The following ZNF804B variants were observed in gnomAD, a reference collection of about 807,000 sequenced individuals.
The protein encoded by ZNF804B is zinc finger protein 804B.
In ZNF804B, 80 loss-of-function variants were observed where a neutral mutation model predicts 101.4. The observed-to-expected ratio is 0.79, with a 90% CI of 0.66 to 0.95. The LOEUF (loss-of-function observed/expected upper bound fraction) is 0.95. ZNF804B is among the 40% of genes least tolerant of loss of function. ZNF804B has a pLI of 0.00. For missense variants in ZNF804B, 1,673 were observed against 1,561.9 expected (o/e 1.07, Z -1.20); for synonymous variants, 622 against 558.8 (o/e 1.11, Z -1.59).
intron 1 of ZNF804B, among the ~76,000 whole-genome samples, chr7:88,929,275 A>G (rs1792848544): frequency 6.6e-6 from 1 of 151,894 alleles, no homozygotes; most frequent in South Asian, 2.1e-4. Context: ...AATTGGGGTA[A>G]GAGGCAACAG....
chr7:88,926,380 A>T (rs1016504017), intron 1 of ZNF804B, among the ~76,000 whole-genome samples: 4 of 150,576 alleles, frequency 2.7e-5, no homozygotes, highest in Admixed American at 2.0e-4. Context: ...TGAGGTCAGG[A>T]GTTCAAGAGC....
Position 89,061,659 on chromosome 7 carries a change from T to C in ZNF804B, c.109-156496T>C, listed in dbSNP as rs531133446. Among the ~76,000 whole-genome samples, 27 of 152,232 alleles carry C rather than the reference T, an allele frequency of 1.8e-4. No individual in the cohort carries two copies. In the East Asian group the frequency reaches 5.0e-3, roughly 28 times the overall value. On this transcript the variant is annotated intron_variant, in intron 1 of 3. Coordinates refer to ENST00000333190, the MANE Select transcript of ZNF804B (RefSeq NM_181646.5). ...AACCTTGTGTGAGTTACTCACCTCT[T>C]TGTGCTTCACTCAGTTTCATTTCAT... is the stretch of plus-strand genomic sequence containing the variant.
intron 1 of ZNF804B, among the ~76,000 whole-genome samples, chr7:88,905,195 A>G (rs1339903727): frequency 6.6e-6 from 1 of 152,100 alleles, no homozygotes. Flanking sequence ...TCCTGTGTCT[A>G]TTGAGATAAT....
chr7:88,913,900 ACATTAT>A (rs1326292613), intron 1 of ZNF804B, among the ~76,000 whole-genome samples: 1 of 152,232 alleles, frequency 6.6e-6, no homozygotes, highest in African/African-American at 2.4e-5. Flanking sequence ...AGAGGCAATA[ACATTAT>A]AAGTATTGCT....
chr7:88,791,258 T>C (rs906729470), intron 1 of ZNF804B, among the ~76,000 whole-genome samples: 5 of 152,256 alleles, frequency 3.3e-5, no homozygotes, highest in African/African-American at 1.2e-4. Flanking sequence ...ATGGTGTTGC[T>C]ACCTGGACAA....
intron 1 of ZNF804B, among the ~76,000 whole-genome samples, chr7:88,970,080 C>T (rs1195775831): frequency 6.6e-6 from 1 of 150,426 alleles, no homozygotes; most frequent in Non-Finnish European, 1.5e-5. Flanking sequence ...CCTTCCTTTC[C>T]TTCCTTTTTT....
intron 1 of ZNF804B, among the ~76,000 whole-genome samples, chr7:89,005,489 C>T (rs766100468): frequency 1.3e-5 from 2 of 152,024 alleles, no homozygotes; most frequent in Admixed American, 6.6e-5. Flanking sequence ...AATTTTGATG[C>T]ACCAATTTTT....
intron 1 of ZNF804B, among the ~76,000 whole-genome samples, chr7:88,834,685 C>T (rs1171971723): frequency 1.3e-5 from 2 of 150,382 alleles, no homozygotes; most frequent in African/African-American, 4.9e-5. Context: ...ATATTATATC[C>T]CAATAAAGTA....
intron 1 of ZNF804B, among the ~76,000 whole-genome samples, chr7:88,779,173 C>T (rs1790188502): frequency 6.6e-6 from 1 of 152,174 alleles, no homozygotes; most frequent in Non-Finnish European, 1.5e-5. Context: ...TCATCTCCAT[C>T]AATTGTTGTT....
chr7:89,055,079 G>C (rs1789270123), intron 1 of ZNF804B, among the ~76,000 whole-genome samples: 1 of 152,062 alleles, frequency 6.6e-6, no homozygotes, highest in Non-Finnish European at 1.5e-5. Context: ...GGGTGAAAGT[G>C]ATGTTAAGTG....
At chr7:88,875,111 T>C (rs6465171) in intron 1 of ZNF804B, among the ~76,000 whole-genome samples, 49,862 of 124,294 alleles carry the variant, frequency 0.4, 11,731 homozygotes, top group African/African-American at 0.68. Context: ...TTGAAACCAA[T>C]GAGAACAAAG....
intron 1 of ZNF804B, among the ~76,000 whole-genome samples, chr7:88,895,200 G>A (rs1439921310): frequency 6.6e-6 from 1 of 152,186 alleles, no homozygotes; most frequent in Non-Finnish European, 1.5e-5. Flanking sequence ...AGTTGACAAT[G>A]TTGGTTCTCA....
intron 1 of ZNF804B, among the ~76,000 whole-genome samples, chr7:89,135,612 ATCTT>A (rs79270254): frequency 0.12 from 18,163 of 151,982 alleles, 1,275 homozygotes; most frequent in Non-Finnish European, 0.15. Flanking sequence ...ATACTCTTAC[ATCTT>A]TCTTGTTCTT....
intron 1 of ZNF804B, among the ~76,000 whole-genome samples, chr7:89,087,242 T>A (rs369179622): frequency 2.0e-5 from 3 of 151,922 alleles, no homozygotes; most frequent in African/African-American, 7.2e-5. Context: ...AGACAAACAG[T>A]GATCATTTTC....
chr7:88,935,369 TAA>T (rs3034324), intron 1 of ZNF804B, among the ~76,000 whole-genome samples: 33,012 of 131,042 alleles, frequency 0.25, 4,341 homozygotes, highest in African/African-American at 0.38. Flanking sequence ...TAAAAGTAAT[TAA>T]AAAAAAAAAA....
chr7:89,275,015 T>A (rs1433735178), intron 2 of ZNF804B, among the ~76,000 whole-genome samples: 1 of 151,974 alleles, frequency 6.6e-6, no homozygotes, highest in Non-Finnish European at 1.5e-5. Context: ...GAAATGAATT[T>A]GTCTCCTGAT....
intron 1 of ZNF804B, among the ~76,000 whole-genome samples, chr7:88,793,288 T>C (rs1261997437): frequency 6.6e-6 from 1 of 152,112 alleles, no homozygotes; most frequent in Non-Finnish European, 1.5e-5. Flanking sequence ...ATTAGTTGCT[T>C]TCTAGAAAGT....
At chr7:89,169,237 G>A (rs750371426) in intron 1 of ZNF804B, among the ~76,000 whole-genome samples, 1 of 152,072 alleles carries the variant, frequency 6.6e-6, no homozygotes, top group Non-Finnish European at 1.5e-5. Flanking sequence ...GAACAAACAC[G>A]GACCTGAACA....
intron 1 of ZNF804B, among the ~76,000 whole-genome samples, chr7:88,959,943 G>C (rs1252540105): frequency 6.6e-6 from 1 of 151,092 alleles, no homozygotes; most frequent in East Asian, 2.0e-4. Context: ...CTAAGTTTTG[G>C]CACAAATATT....
Sources: allele counts gnomAD v4.1 joint callset (sites outside exome capture counted in the v4.1 genomes callset), GRCh38; gene constraint gnomAD v4.1.1; transcripts MANE v1.5; gene names NCBI Gene and HGNC (gene_info 2026-07-23, HGNC 2026-07-21).